The following SORCS1 variants were observed in gnomAD, a reference collection of about 807,000 sequenced individuals.
SORCS1 encodes VPS10 domain-containing receptor SorCS1.
A neutral mutation model predicts 146.1 loss-of-function variants in SORCS1; 60 were observed. The ratio of observed to expected loss-of-function variants is 0.41; its 90% CI spans 0.33 to 0.51. The LOEUF (loss-of-function observed/expected upper bound fraction) is 0.51, where lower values mean the gene tolerates loss of function less well. SORCS1 is among the 20% of genes least tolerant of loss of function. SORCS1 has a pLI of 0.21. For synonymous variants in SORCS1, 637 were observed against 584.0 expected, an observed-to-expected ratio of 1.09 and a Z score of -1.31; for missense variants, 1,352 against 1,487.6, an observed-to-expected ratio of 0.91 and a Z score of 1.50.
chr10:106,706,943 G>T (rs1312356234), intron 7 of SORCS1, among the ~76,000 whole-genome samples: 1 of 152,060 alleles, frequency 6.6e-6, no homozygotes, highest in Non-Finnish European at 1.5e-5. Context: ...GCCATCACCA[G>T]CCCAGGTCTC....
chr10:106,866,594 G>C (rs1462048124), intron 2 of SORCS1, among the ~76,000 whole-genome samples: 1 of 152,196 alleles, frequency 6.6e-6, no homozygotes, highest in Non-Finnish European at 1.5e-5. Flanking sequence ...TCAAGGGGGA[G>C]AAAAGCCCAC....
chr10:106,733,888 T>C (rs1354957373), intron 5 of SORCS1, among the ~76,000 whole-genome samples: 2 of 152,210 alleles, frequency 1.3e-5, no homozygotes, highest in Non-Finnish European at 1.5e-5. Context: ...AATGATTTGC[T>C]ACATGTCTGC....
At chr10:106,604,553 T>C (rs923605778) in intron 23 of SORCS1, among the ~76,000 whole-genome samples, 2 of 152,240 alleles carry the variant, frequency 1.3e-5, no homozygotes, top group African/African-American at 4.8e-5. Context: ...CACTGGCATT[T>C]TCCTTAAACA....
intron 10 of SORCS1, among the ~76,000 whole-genome samples, chr10:106,682,011 C>T (rs1168007576): frequency 1.3e-5 from 2 of 152,018 alleles, no homozygotes; most frequent in African/African-American, 4.8e-5. Context: ...ACCTGTAGTC[C>T]CAGCTACTCG....
At chr10:106,821,226 T>C (rs1564698149) in intron 3 of SORCS1, among the ~76,000 whole-genome samples, 1 of 152,238 alleles carries the variant, frequency 6.6e-6, no homozygotes, top group African/African-American at 2.4e-5. Context: ...ATCTTCATAA[T>C]ATTTAGAGAG....
intron 1 of SORCS1, among the ~76,000 whole-genome samples, chr10:107,072,159 AG>A (rs1210079931): frequency 2.0e-5 from 3 of 152,208 alleles, no homozygotes; most frequent in Non-Finnish European, 4.4e-5. Flanking sequence ...GGAGCAAATA[AG>A]GAACCAGCCC....
At chr10:106,617,787 T>C (rs1459294614) in intron 21 of SORCS1, among the ~76,000 whole-genome samples, 7 of 139,308 alleles carry the variant, frequency 5.0e-5, no homozygotes, top group Admixed American at 4.1e-4. Context: ...AATTTTAAAG[T>C]TGAACTTAAA....
At chr10:106,668,952 G>T (rs919260527) in intron 16 of SORCS1, among the ~76,000 whole-genome samples, 1 of 152,074 alleles carries the variant, frequency 6.6e-6, no homozygotes, top group Non-Finnish European at 1.5e-5. Flanking sequence ...TCCAGCTACC[G>T]GTAGAACCCC....
intron 1 of SORCS1, among the ~76,000 whole-genome samples, chr10:107,099,484 T>C (rs1034635883): frequency 6.6e-6 from 1 of 152,192 alleles, no homozygotes; most frequent in Admixed American, 6.5e-5. Context: ...CATGTAACTA[T>C]GTAAATTTAA....
chr10:106,863,060 G>A (rs143488901), intron 2 of SORCS1, among the ~76,000 whole-genome samples: 103 of 152,118 alleles, frequency 6.8e-4, no homozygotes, highest in African/African-American at 2.4e-3. Context: ...TTCTTTAGAA[G>A]TTGATTTCCC....
At chr10:106,697,460 T>A (rs1964866) in intron 9 of SORCS1, among the ~76,000 whole-genome samples, 124,544 of 150,550 alleles carry the variant, frequency 0.83, 53,051 homozygotes, top group Non-Finnish European at 0.94. Context: ...CATCTCAAAA[T>A]AAATAAATAA....
Position 106,575,735 on chromosome 10 carries a change from T to C in SORCS1, c.*1685A>G, listed in dbSNP as rs1844549157. ...ACACATGAAATCACTGGGATCATCC[T>C]AAATAATCAAACTCTCACCCTAATG... On this transcript the variant is annotated 3_prime_UTR_variant, in exon 26 of 26. Coordinates refer to ENST00000263054, the MANE Select transcript of SORCS1 (RefSeq NM_052918.5). 6.5e-6 allele frequency: 1 copy of C among 152,688 alleles called. No homozygotes were observed. The allele number at this position is 152,688 out of a possible 1,614,324, so 9.5% of individuals were successfully genotyped here. A position where few individuals can be genotyped will look rare whatever the true frequency, so the allele number is the denominator to read the frequency against.
intron 1 of SORCS1, among the ~76,000 whole-genome samples, chr10:107,020,739 G>A (rs1024211844): frequency 6.6e-6 from 1 of 152,122 alleles, no homozygotes; most frequent in African/African-American, 2.4e-5. Flanking sequence ...TGGAGGCTAT[G>A]AAAAATTTCA....
At chr10:106,985,433 C>T (rs2139398943) in intron 1 of SORCS1, among the ~76,000 whole-genome samples, 2 of 152,028 alleles carry the variant, frequency 1.3e-5, no homozygotes, top group South Asian at 4.2e-4. Flanking sequence ...CTCTAAATGC[C>T]TTGAAGAAAA....
chr10:106,588,054 T>C (rs1845351773), intron 24 of SORCS1, among the ~76,000 whole-genome samples: 1 of 152,218 alleles, frequency 6.6e-6, no homozygotes, highest in Admixed American at 6.5e-5. Context: ...ATGCTCACAC[T>C]GGCACATGAA....
intron 2 of SORCS1, among the ~76,000 whole-genome samples, chr10:106,896,981 C>T: frequency 6.7e-6 from 1 of 149,966 alleles, no homozygotes; most frequent in East Asian, 2.0e-4. Flanking sequence ...AGCTCCACCT[C>T]CCGGGTTCAC....
At chr10:106,955,026 C>T (rs188950719) in intron 2 of SORCS1, among the ~76,000 whole-genome samples, 5 of 152,362 alleles carry the variant, frequency 3.3e-5, no homozygotes, top group Admixed American at 2.0e-4. Context: ...GTAGCAGTGG[C>T]GCTGGGCCAG....
intron 8 of SORCS1, among the ~76,000 whole-genome samples, chr10:106,700,170 T>A (rs1015212194): frequency 3.3e-5 from 5 of 152,202 alleles, no homozygotes; most frequent in African/African-American, 1.2e-4. Context: ...AGAGCCTGTT[T>A]GTCCTGGAAG....
chr10:106,959,877 T>G (rs951079051), intron 1 of SORCS1, among the ~76,000 whole-genome samples: 2 of 152,216 alleles, frequency 1.3e-5, no homozygotes, highest in African/African-American at 4.8e-5. Flanking sequence ...TAATTTATTT[T>G]TATTCATTCA....
Sources: gnomAD v4.1 joint callset for allele counts (sites outside exome capture counted in the v4.1 genomes callset) on GRCh38, gnomAD v4.1.1 for gene constraint, MANE v1.5 for transcripts, NCBI Gene and HGNC (gene_info 2026-07-23, HGNC 2026-07-21) for gene names.